MROH2A: variants seen among roughly 807,000 people sequenced by gnomAD.
MROH2A encodes maestro heat-like repeat-containing protein family member 2A.
A neutral mutation model predicts 200.4 loss-of-function variants in MROH2A; 174 were observed. The ratio of observed to expected loss-of-function variants is 0.87; its 90% CI spans 0.77 to 0.98. The LOEUF (loss-of-function observed/expected upper bound fraction) is 0.98. MROH2A is among the 50% of genes least tolerant of loss of function. MROH2A has a pLI of 0.00. For missense variants in MROH2A, 2,045 were observed against 2,139.6 expected (o/e 0.96, Z 0.87); for synonymous variants, 829 against 840.4 (o/e 0.99, Z 0.23).
At chr2:233,776,531 T>C (rs1700712028), upstream of MROH2A, among the ~76,000 whole-genome samples, 1 of 151,832 alleles carries the variant, frequency 6.6e-6, no homozygotes, top group South Asian at 2.1e-4. Flanking sequence ...CCGGCTAATT[T>C]TTGTATTTTT....
intron 26 of MROH2A, among the ~76,000 whole-genome samples, chr2:233,816,252 G>T (rs902519263): frequency 6.6e-6 from 1 of 152,034 alleles, no homozygotes; most frequent in African/African-American, 2.4e-5. Context: ...CTGTCTTTTT[G>T]TTCTATCAAT....
chr2:233,822,695 T>C, intron 33 of MROH2A, 139 bp downstream of exon 33: 1 of 1,141,324 alleles, frequency 8.8e-7, no homozygotes, highest in Non-Finnish European at 1.2e-6. Context: ...AAAATGCCGT[T>C]CTCATGTGTG....
chr2:233,807,419 C>T lies in MROH2A; in HGVS notation c.2053-4C>T. The T allele has an allele frequency of 3.2e-6, 5 of 1,549,954 alleles. No individual in the cohort carries two copies. The highest frequency in any genetic ancestry group is 4.4e-6 in the Non-Finnish European group (5 of 1,146,616). ...GAGCTCCTTCCTCCCTTCTGCCTCTCCAGGGCTTTCTGTACCGGGCCTTGG... is the reference window on the plus strand; with the variant it reads ...GAGCTCCTTCCTCCCTTCTGCCTCTTCAGGGCTTTCTGTACCGGGCCTTGG... On this transcript the variant is annotated splice_polypyrimidine_tract_variant and splice_region_variant and intron_variant, in intron 19 of 41. Coordinates refer to ENST00000389758, the MANE Select transcript of MROH2A (RefSeq NM_001394639.1). This position sits in a 1 kb window ranked among gnomAD's most constrained non-coding sequence, Gnocchi z 4.3.
chr2:233,803,505 C>T lies in MROH2A; in HGVS notation c.1749+17C>T. On this transcript the variant is annotated intron_variant, in intron 16 of 41. Transcript: ENST00000389758. Reference sequence around the variant, plus strand: ...CGTCTCCTGGTGAGTGGCTGACCTGCACCATGCCCTGGCCTGGCAAGGCCA... The same window carrying T: ...CGTCTCCTGGTGAGTGGCTGACCTGTACCATGCCCTGGCCTGGCAAGGCCA... 1 of 1,550,220 alleles carries T rather than the reference C, an allele frequency of 6.5e-7. No individual in the cohort carries two copies. Among genetic ancestry groups the T allele is most frequent in the South Asian group, 1.2e-5 (1 of 84,054 alleles).
chr2:233,832,349 G>A, intron 40 of MROH2A, 70 bp downstream of exon 40: 2 of 1,353,258 alleles, frequency 1.5e-6, no homozygotes, highest in Non-Finnish European at 2.0e-6. Context: ...GGCACTCGGG[G>A]GAAGGGTGGA....
rs755296439 is a variant in MROH2A, at chr2:233,811,900, G to C, written c.2592G>C (p.Pro864=). 15 of 1,550,226 alleles carry C rather than the reference G, an allele frequency of 9.7e-6. No homozygotes were observed. The highest frequency in any genetic ancestry group is 1.7e-4 in the Middle Eastern group (1 of 6,014). ...GACAGGCGGTCATCAAGGCAGAACC[G>C]ACTGACAACCTGGTTTCTCCAGTGC... ...SIIVAVIKAE[P]TDNLVSPVRA... Residue 864 remains proline (P), a synonymous_variant, in exon 24 of 42, where the codon CCG becomes CCC. Coordinates refer to ENST00000389758, the MANE Select transcript of MROH2A (RefSeq NM_001394639.1).
intron 31 of MROH2A, 42 bp from the exon 32 acceptor site, chr2:233,822,082 A>G (rs1367373402): frequency 6.5e-7 from 1 of 1,526,922 alleles, no homozygotes; most frequent in East Asian, 2.5e-5. Context: ...GCCAGGGCAC[A>G]TGCCAGGAAA....
Position 233,823,642 on chromosome 2 carries a change from G to C in MROH2A, c.4091G>C (p.Arg1364Pro). Residue 1364 changes from arginine (R) to proline (P), a missense_variant, in exon 35 of 42, where the codon CGC becomes CCC. Around this residue, in one of 3 missense-constraint regions of MROH2A, gnomAD observed 1,201 missense variants for 1,311.3 expected, o/e 0.92. Transcript: ENST00000389758. Reference protein sequence around the residue: ...RGMDSEVLSCRISSTAVCFMS... With the variant: ...RGMDSEVLSCPISSTAVCFMS... ...ATGGACTCAGAAGTCCTGAGCTGCC[G>C]CATCAGCAGCACAGCGGTCTGCGTG... The C allele has an allele frequency of 6.4e-7, 1 of 1,550,506 alleles. No homozygotes were observed. The highest frequency in any genetic ancestry group is 8.7e-7 in the Non-Finnish European group (1 of 1,146,966).
intron 35 of MROH2A, 166 bp downstream of exon 35, chr2:233,823,830 T>C: frequency 1.1e-6 from 1 of 892,684 alleles, no homozygotes; most frequent in South Asian, 1.7e-5. Context: ...ATTCATCACA[T>C]GAGTAGTGCA....
At chr2:233,818,575 G>A in intron 28 of MROH2A, 77 bp from the exon 29 acceptor site, 1 of 896,358 alleles carries the variant, frequency 1.1e-6, no homozygotes, top group Non-Finnish European at 1.8e-6. Context: ...CAAAGCCAGG[G>A]CAGGAGGTAG....
chr2:233,783,817 G>A (rs1032261080), intron 3 of MROH2A, among the ~76,000 whole-genome samples: 1 of 152,154 alleles, frequency 6.6e-6, no homozygotes, highest in Non-Finnish European at 1.5e-5. Flanking sequence ...TGGGGTTACA[G>A]ACGTGAGTGC....
intron 23 of MROH2A, 60 bp from the exon 24 acceptor site, chr2:233,811,819 TG>T: frequency 9.4e-7 from 1 of 1,067,770 alleles, no homozygotes; most frequent in Non-Finnish European, 1.4e-6. Context: ...ATGCTAACAC[TG>T]GGGAGTGCTG....
intron 38 of MROH2A, among the ~76,000 whole-genome samples, chr2:233,830,580 C>T (rs1034143701): frequency 3.9e-5 from 6 of 151,950 alleles, no homozygotes; most frequent in East Asian, 1.9e-4. Context: ...TGGGGTGGAG[C>T]GGGTGGCCCA....
chr2:233,803,196 C>G (rs1053770028), intron 15 of MROH2A, among the ~76,000 whole-genome samples: 1 of 152,172 alleles, frequency 6.6e-6, no homozygotes. Context: ...CTACAAAATG[C>G]GCATGGCCTG....
chr2:233,829,145 G>A (rs1704539819), intron 37 of MROH2A, 73 bp downstream of exon 37: 4 of 1,380,444 alleles, frequency 2.9e-6, no homozygotes, highest in Admixed American at 2.8e-5. Flanking sequence ...AGGAAGAGAT[G>A]GGCTCTAGAG....
At chr2:233,802,784 C>T (rs980113577) in intron 15 of MROH2A, among the ~76,000 whole-genome samples, 6 of 152,248 alleles carry the variant, frequency 3.9e-5, no homozygotes, top group African/African-American at 1.4e-4. Context: ...CTCCTGTCCC[C>T]TTCCCTCCAA....
chr2:233,825,286 C>T (rs1002977114), intron 35 of MROH2A, among the ~76,000 whole-genome samples: 13 of 152,276 alleles, frequency 8.5e-5, no homozygotes, highest in African/African-American at 2.4e-4. Context: ...TTTTTACTTC[C>T]TCCCTTCCTA....
intron 33 of MROH2A, 162 bp from the exon 34 acceptor site, chr2:233,822,719 G>T: frequency 8.8e-7 from 1 of 1,139,112 alleles, no homozygotes; most frequent in African/African-American, 1.6e-5. Flanking sequence ...AGCACGGTGT[G>T]GTTTTCAGAG....
chr2:233,793,859 C>T (rs1270868530), intron 7 of MROH2A, 35 bp downstream of exon 7: 9 of 1,363,296 alleles, frequency 6.6e-6, no homozygotes, highest in Non-Finnish European at 7.6e-6. Flanking sequence ...GCCTGGTGGT[C>T]CCCAGGCCAC....
Sources: gnomAD v4.1 joint callset for allele counts (sites outside exome capture counted in the v4.1 genomes callset) on GRCh38, gnomAD v4.1.1 for gene constraint, gnomAD v4.1.1 regional missense constraint, Gnocchi (gnomAD v3.1) non-coding constraint, MANE v1.5 for transcripts, NCBI Gene and HGNC (gene_info 2026-07-23, HGNC 2026-07-21) for gene names.